The following MMS19 variants were observed in gnomAD, a reference collection of about 807,000 sequenced individuals.
MMS19 encodes MMS19 nucleotide excision repair protein homolog.
Under a neutral mutation model 129.8 loss-of-function variants are expected in MMS19, and 77 were observed. The observed-to-expected ratio is 0.59, with a 90% CI of 0.49 to 0.72. The LOEUF (loss-of-function observed/expected upper bound fraction) is 0.72, where lower values mean the gene tolerates loss of function less well. Ranked by LOEUF, MMS19 falls within the 30% of genes least tolerant of loss-of-function variation. The pLI is 0.00. For synonymous variants in MMS19, 491 were observed against 502.8 expected, an observed-to-expected ratio of 0.98 and a Z score of 0.31; for missense variants, 1,168 against 1,266.3, an observed-to-expected ratio of 0.92 and a Z score of 1.18.
At position 97,459,359 on chromosome 10, in the gene MMS19, C is replaced by T; in HGVS notation, c.2904+3G>A. On this transcript the variant is annotated splice_donor_region_variant and intron_variant, in intron 28 of 30. Transcript: ENST00000438925. ...GCCTAAGAGTTGCTGGGGCTCAACG[C>T]ACCATGGAAGGGCTAGAGCTGAGGT... The T allele has an allele frequency of 1.2e-6, 2 of 1,607,338 alleles. No homozygotes were observed. The highest frequency in any genetic ancestry group is 1.7e-6 in the Non-Finnish European group (2 of 1,176,804).
chr10:97,463,822 G>A (rs756209949), intron 19 of MMS19, 36 bp downstream of exon 19: 2 of 1,593,524 alleles, frequency 1.3e-6, no homozygotes, highest in Non-Finnish European at 8.6e-7. Context: ...AGAGGGCAAA[G>A]TTCCCAAAGG....
At chr10:97,466,402 G>A in intron 16 of MMS19, 102 bp downstream of exon 16, 1 of 993,660 alleles carries the variant, frequency 1.0e-6, no homozygotes, top group Admixed American at 1.9e-5. Context: ...CCTAAGGAGA[G>A]CCAAGGGTCA....
chr10:97,466,058 C>T lies in MMS19; in HGVS notation c.1606+1G>A. 1 of 1,613,786 alleles carries T rather than the reference C, an allele frequency of 6.2e-7. No homozygotes were observed. The highest frequency in any genetic ancestry group is 8.5e-7 in the Non-Finnish European group (1 of 1,179,774). On this transcript the variant is annotated splice_donor_variant, in intron 17 of 30. Coordinates refer to ENST00000438925, the MANE Select transcript of MMS19 (RefSeq NM_022362.5). LOFTEE classifies it high-confidence loss of function. The stretch of plus-strand genomic sequence containing the variant: ...GGCCACAGAGGATTAGAGACACATA[C>T]CTACACGCAGCTCCTCAGCGAGCTT...
chr10:97,484,239 G>A, intron 1 of MMS19, 88 bp from the exon 2 acceptor site: 1 of 925,390 alleles, frequency 1.1e-6, no homozygotes, highest in Non-Finnish European at 1.6e-6. Flanking sequence ...TTTCCTGCCT[G>A]CCCTAGGCTT....
chr10:97,470,962 C>A, intron 8 of MMS19, 101 bp from the exon 9 acceptor site: 2 of 773,214 alleles, frequency 2.6e-6, no homozygotes, highest in South Asian at 4.5e-5. Context: ...ATACTCATAC[C>A]CAATCAGGGA....
intron 14 of MMS19, 47 bp from the exon 15 acceptor site, chr10:97,466,948 A>G (rs781054280): frequency 3.1e-6 from 5 of 1,610,342 alleles, no homozygotes; most frequent in African/African-American, 1.3e-5. Flanking sequence ...ACTGCATTCC[A>G]TATCCCTGAC....
chr10:97,468,477 G>C (rs2033991180), intron 12 of MMS19, 71 bp from the exon 13 acceptor site: 1 of 1,422,312 alleles, frequency 7.0e-7, no homozygotes, highest in African/African-American at 1.4e-5. Flanking sequence ...AGTCCACAGA[G>C]GTTGGAGACT....
At chr10:97,478,631 C>G (rs1174956417) in intron 3 of MMS19, among the ~76,000 whole-genome samples, 1 of 152,130 alleles carries the variant, frequency 6.6e-6, no homozygotes, top group Non-Finnish European at 1.5e-5. Flanking sequence ...CATTCTCAGC[C>G]CAAAACTGCC....
chr10:97,498,629 C>G, upstream of MMS19: 1 of 515,914 alleles, frequency 1.9e-6, no homozygotes. Context: ...TAATTCCCAG[C>G]CCGGCTCCCC....
chr10:97,497,364 G>A (rs2039991220), intron 1 of MMS19, among the ~76,000 whole-genome samples: 1 of 151,964 alleles, frequency 6.6e-6, no homozygotes. Flanking sequence ...TATTCTAAAG[G>A]TTAATACGCT....
In MMS19 at chr10:97,458,395, A is replaced by G. The variant is rs965949437; in HGVS notation, c.*297T>C. ...AGCCCTGGTCCTCAGGGCCACACTC[A>G]TATGCACTCACCCCTCAGCAGCATA... is the stretch of plus-strand genomic sequence containing the variant. On this transcript the variant is annotated 3_prime_UTR_variant, in exon 31 of 31. Coordinates refer to ENST00000438925, the MANE Select transcript of MMS19 (RefSeq NM_022362.5). 2 of 400,336 alleles carry G rather than the reference A, an allele frequency of 5.0e-6. No homozygotes were observed. The highest frequency in any genetic ancestry group is 9.0e-6 in the Non-Finnish European group (2 of 222,990). The allele number at this position is 400,336 out of a possible 1,614,324, so 24.8% of individuals were successfully genotyped here.
In MMS19 at chr10:97,468,798, G is replaced by A. The variant is rs192769735; in HGVS notation, c.1063+168C>T. Among the ~76,000 whole-genome samples the A allele has an allele frequency of 2.8e-3, 425 of 152,176 alleles. 1 individual carries two copies. Among genetic ancestry groups the A allele is most frequent in the African/African-American group, 9.7e-3 (403 of 41,496 alleles). On this transcript the variant is annotated intron_variant, in intron 12 of 30. Transcript: ENST00000438925. ...TAATTTTTGTATTTTTAGTAGAGAC[G>A]AGGTTTCACCATGTTGGCCAGGCTG...
intron 1 of MMS19, among the ~76,000 whole-genome samples, chr10:97,495,258 G>A (rs1200940973): frequency 6.6e-6 from 1 of 152,226 alleles, no homozygotes; most frequent in Admixed American, 6.5e-5. Context: ...GGTAGTGGCA[G>A]GCTTTGAAGG....
chr10:97,469,542 C>T (rs1303677132), intron 11 of MMS19, 104 bp downstream of exon 11: 2 of 899,826 alleles, frequency 2.2e-6, no homozygotes, highest in Admixed American at 2.1e-5. Flanking sequence ...GGCATTATAT[C>T]TTGGCCCTGG....
rs145658711 is a variant in MMS19, at chr10:97,460,125, T to A, written c.2577A>T (p.Glu859Asp). The change falls in exon 26 of 31, where the codon GAA becomes GAT. Residue 859 changes from glutamate to aspartate, a missense_variant. Coordinates refer to ENST00000438925, the MANE Select transcript of MMS19 (RefSeq NM_022362.5). ...TDVLTRAGHA[E>D]VRIMFRQRFF... ...ACCGCTGGCGGAACATGATCCGCACTTCGGCATGGCCAGCACGAGTCAGCA... is the reference window on the plus strand; with the variant it reads ...ACCGCTGGCGGAACATGATCCGCACATCGGCATGGCCAGCACGAGTCAGCA... The A allele has an allele frequency of 2.5e-5, 40 of 1,614,042 alleles. No homozygotes were observed. In the African/African-American group the frequency reaches 4.5e-4, roughly 18 times the overall value.
At chr10:97,498,199 G>T in intron 1 of MMS19, 74 bp downstream of exon 1, 1 of 1,381,134 alleles carries the variant, frequency 7.2e-7, no homozygotes, top group Non-Finnish European at 9.7e-7. Flanking sequence ...CTCCCTTCCC[G>T]CCCGGCGCCT....
At chr10:97,461,111 A>G in intron 23 of MMS19, 104 bp from the exon 24 acceptor site, 9 of 935,310 alleles carry the variant, frequency 9.6e-6, no homozygotes, top group Non-Finnish European at 1.4e-5. Flanking sequence ...AGCTGTTAGA[A>G]AGGGAAAATA....
At chr10:97,487,072 T>C (rs1189488861) in intron 1 of MMS19, among the ~76,000 whole-genome samples, 1 of 151,094 alleles carries the variant, frequency 6.6e-6, no homozygotes, top group East Asian at 1.9e-4. Context: ...ATAATAAAAA[T>C]AAAAAACAAC....
Position 97,480,934 on chromosome 10 carries a change from A to G in MMS19, c.262+8T>C, listed in dbSNP as rs765501697. 60 of 1,581,866 alleles carry G rather than the reference A, an allele frequency of 3.8e-5. No homozygotes were observed. In the Middle Eastern group the frequency reaches 3.3e-3, roughly 88 times the overall value. Reference sequence around the variant, plus strand: ...CCAGGAAGACATTCCTATTAGTGACACCAGTACCTTCCTTCTCCAGGAGCA... The same window carrying G: ...CCAGGAAGACATTCCTATTAGTGACGCCAGTACCTTCCTTCTCCAGGAGCA... On this transcript the variant is annotated splice_region_variant and intron_variant, in intron 3 of 30. Coordinates refer to ENST00000438925, the MANE Select transcript of MMS19 (RefSeq NM_022362.5).
Sources: allele counts gnomAD v4.1 joint callset (sites outside exome capture counted in the v4.1 genomes callset), GRCh38; gene constraint gnomAD v4.1.1; transcripts MANE v1.5; gene names NCBI Gene and HGNC (gene_info 2026-07-23, HGNC 2026-07-21).